The following FOXP2 variants were observed in gnomAD, a reference collection of about 807,000 sequenced individuals.
FOXP2 encodes forkhead box P2.
Under a neutral mutation model 115.8 loss-of-function variants are expected in FOXP2, and 12 were observed. The observed-to-expected ratio is 0.10, with a 90% CI of 0.07 to 0.17. FOXP2 has a LOEUF of 0.17. Among genes scored for constraint, FOXP2 ranks in the 10% least tolerant of loss-of-function variants. The probability of loss-of-function intolerance (pLI) is 1.00; values close to 1 mark genes in which losing one functional copy is unlikely to be tolerated. For synonymous variants in FOXP2, 328 were observed against 297.7 expected, an observed-to-expected ratio of 1.10 and a Z score of -1.05; for missense variants, 629 against 843.5, an observed-to-expected ratio of 0.75 and a Z score of 3.15.
chr7:114,412,279 T>G (rs192952709), upstream of FOXP2, among the ~76,000 whole-genome samples: 2 of 152,236 alleles, frequency 1.3e-5, no homozygotes, highest in East Asian at 3.9e-4. Flanking sequence ...GAAAGGAGTT[T>G]TACTATGTAA....
At chr7:114,572,330 G>T (rs189137099) in intron 3 of FOXP2, among the ~76,000 whole-genome samples, 3 of 151,608 alleles carry the variant, frequency 2.0e-5, no homozygotes, top group African/African-American at 7.2e-5. Flanking sequence ...TACCTGGTTT[G>T]TGGCCTCATT....
chr7:114,690,374 G>C lies in FOXP2; in HGVS notation c.*448G>C. On this transcript the variant is annotated 3_prime_UTR_variant, in exon 17 of 17. Transcript: ENST00000350908. ...AGTAGTTGTAATGTTAGAAACAATT[G>C]CTGGTCAAGTTCAACTTGTTGCTAT... The C allele has an allele frequency of 2.2e-6, 1 of 454,104 alleles. No homozygotes were observed. The highest frequency in any genetic ancestry group is 4.4e-6 in the Non-Finnish European group (1 of 226,850). The allele number at this position is 454,104 out of a possible 1,614,324, so 28.1% of individuals were successfully genotyped here. A position where few individuals can be genotyped will look rare whatever the true frequency, so the allele number is the denominator to read the frequency against.
intron 2 of FOXP2, among the ~76,000 whole-genome samples, chr7:114,399,985 T>C (rs558894142): frequency 6.6e-6 from 1 of 151,202 alleles, no homozygotes; most frequent in African/African-American, 2.4e-5. Context: ...GCCTTCTGAG[T>C]AGCTGGGATT....
chr7:114,232,765 A>G (rs1794914778), intron 1 of FOXP2, among the ~76,000 whole-genome samples: 2 of 151,764 alleles, frequency 1.3e-5, no homozygotes, highest in African/African-American at 2.4e-5. Context: ...GTGAGCCGAG[A>G]TCATGCCATT....
intron 1 of FOXP2, among the ~76,000 whole-genome samples, chr7:114,280,123 A>AATAAATAC (rs1024642242): frequency 6.8e-5 from 10 of 146,390 alleles, no homozygotes; most frequent in African/African-American, 2.5e-4. Flanking sequence ...TAAATAAATA[A>AATAAATAC]AAACAGGTGG....
chr7:114,260,900 G>A (rs992263987), intron 1 of FOXP2, among the ~76,000 whole-genome samples: 1 of 131,022 alleles, frequency 7.6e-6, no homozygotes, highest in Non-Finnish European at 1.5e-5. Flanking sequence ...AAATTAACGA[G>A]TGGGTGGAAG....
intron 1 of FOXP2, among the ~76,000 whole-genome samples, chr7:114,112,019 G>A (rs1209977230): frequency 6.6e-6 from 1 of 152,056 alleles, no homozygotes; most frequent in African/African-American, 2.4e-5. Flanking sequence ...CAGAGTCCTA[G>A]GAAGAACAGG....
chr7:114,323,364 G>T (rs1797476264), intron 2 of FOXP2, among the ~76,000 whole-genome samples: 1 of 151,962 alleles, frequency 6.6e-6, no homozygotes, highest in Non-Finnish European at 1.5e-5. Flanking sequence ...TTTCTCATTG[G>T]TTTTATGCAA....
At chr7:114,430,261 A>G (rs187462113) in intron 2 of FOXP2, among the ~76,000 whole-genome samples, 181 of 151,944 alleles carry the variant, frequency 1.2e-3, no homozygotes, top group African/African-American at 4.0e-3. Context: ...AAAGTTTTAA[A>G]TGAATTTACA....
intron 1 of FOXP2, among the ~76,000 whole-genome samples, chr7:114,230,297 T>A (rs1794842789): frequency 6.6e-6 from 1 of 151,866 alleles, no homozygotes; most frequent in Admixed American, 6.6e-5. Context: ...AAATATATAT[T>A]TTTTAAGATT....
chr7:114,295,664 T>G (rs1796725866), intron 2 of FOXP2, among the ~76,000 whole-genome samples: 1 of 152,200 alleles, frequency 6.6e-6, no homozygotes, highest in Non-Finnish European at 1.5e-5. Context: ...TCATGTAAAA[T>G]GAAGTTATAG....
Position 114,690,841 on chromosome 7 carries a change from A to G in FOXP2, c.*915A>G. 1 of 454,510 alleles carries G rather than the reference A, an allele frequency of 2.2e-6. No individual in the cohort carries two copies. The highest frequency in any genetic ancestry group is 4.4e-6 in the Non-Finnish European group (1 of 226,778). The allele number at this position is 454,510 out of a possible 1,614,324, so 28.2% of individuals were successfully genotyped here. A position where few individuals can be genotyped will look rare whatever the true frequency, so the allele number is the denominator to read the frequency against. ...CTGTAACTTCAATTAGTACAAAGGA[A>G]CCTTTTCCATGAACTACCTGCTGTT... is the stretch of plus-strand genomic sequence containing the variant. On this transcript the variant is annotated 3_prime_UTR_variant, in exon 17 of 17. Coordinates refer to ENST00000350908, the MANE Select transcript of FOXP2 (RefSeq NM_014491.4).
At chr7:114,581,254 GCTCACTGCAACCTCTGCCT>G (rs1801855276) in intron 3 of FOXP2, among the ~76,000 whole-genome samples, 1 of 151,704 alleles carries the variant, frequency 6.6e-6, no homozygotes, top group Admixed American at 6.6e-5. Context: ...CACAGTCTCT[GCTCACTGCAACCTCTGCCT>G]CCTAGGCTTA....
intron 1 of FOXP2, among the ~76,000 whole-genome samples, chr7:114,240,800 A>T (rs1795132905): frequency 1.3e-5 from 2 of 151,874 alleles, no homozygotes; most frequent in Non-Finnish European, 2.9e-5. Flanking sequence ...TTTTTCTTTA[A>T]ATTTTATTTG....
At chr7:114,443,568 G>C (rs766191863) in intron 2 of FOXP2, among the ~76,000 whole-genome samples, 2 of 152,076 alleles carry the variant, frequency 1.3e-5, no homozygotes, top group Non-Finnish European at 2.9e-5. Context: ...TTAGTTCTCA[G>C]CCTTCTCCCA....
chr7:114,603,216 T>C (rs1803129078), intron 3 of FOXP2, among the ~76,000 whole-genome samples: 1 of 152,168 alleles, frequency 6.6e-6, no homozygotes, highest in Admixed American at 6.6e-5. Context: ...CAGAGTTGTA[T>C]TAATTAATAT....
chr7:114,372,149 G>A (rs1450873038), intron 2 of FOXP2, among the ~76,000 whole-genome samples: 1 of 152,092 alleles, frequency 6.6e-6, no homozygotes, highest in East Asian at 1.9e-4. Context: ...CTAGTAAACA[G>A]TAGATAAAGG....
chr7:114,489,256 T>G (rs1357937788), intron 2 of FOXP2, among the ~76,000 whole-genome samples: 1 of 152,162 alleles, frequency 6.6e-6, no homozygotes, highest in East Asian at 1.9e-4. Context: ...TAAAAAGTAA[T>G]TGAGGAATGA....
At chr7:114,571,720 A>G (rs1311205828) in intron 3 of FOXP2, among the ~76,000 whole-genome samples, 2 of 151,902 alleles carry the variant, frequency 1.3e-5, no homozygotes, top group African/African-American at 2.4e-5. Flanking sequence ...ATTAAGTATT[A>G]TAAGTGAGCT....
Sources: gnomAD v4.1 joint callset for allele counts (sites outside exome capture counted in the v4.1 genomes callset) on GRCh38, gnomAD v4.1.1 for gene constraint, MANE v1.5 for transcripts, NCBI Gene and HGNC (gene_info 2026-07-23, HGNC 2026-07-21) for gene names.